Variants in MYO1E observed in about 807,000 individuals in gnomAD.
The protein encoded by MYO1E is myosin IE.
A neutral mutation model predicts 151.1 loss-of-function variants in MYO1E; 68 were observed. That is an observed-to-expected ratio of 0.45 (90% CI 0.37 to 0.55). The LOEUF (loss-of-function observed/expected upper bound fraction) is 0.55. Ranked by LOEUF, MYO1E falls within the 20% of genes least tolerant of loss-of-function variation. The pLI is 0.00. For synonymous variants in MYO1E, 601 were observed against 501.7 expected (o/e 1.20, Z -2.64); for missense variants, 1,363 against 1,389.3 (o/e 0.98, Z 0.30).
intron 17 of MYO1E, among the ~76,000 whole-genome samples, chr15:59,192,250 T>C (rs920634536): frequency 2.6e-5 from 4 of 152,086 alleles, no homozygotes; most frequent in African/African-American, 9.7e-5. Flanking sequence ...ACCAGTTTAT[T>C]TGAATGCATG....
At chr15:59,367,986 G>C (rs544696921) in intron 1 of MYO1E, among the ~76,000 whole-genome samples, 37 of 152,150 alleles carry the variant, frequency 2.4e-4, no homozygotes, top group African/African-American at 8.4e-4. Context: ...CGGGTGTGGT[G>C]GTGGGGCCTG....
At chr15:59,205,883 C>T (rs1257581082) in intron 14 of MYO1E, among the ~76,000 whole-genome samples, 1 of 152,160 alleles carries the variant, frequency 6.6e-6, no homozygotes, top group Non-Finnish European at 1.5e-5. Context: ...AAGTGAAGCC[C>T]CTCATGCTCA....
At chr15:59,283,133 T>G (rs985061252) in intron 1 of MYO1E, among the ~76,000 whole-genome samples, 2 of 151,170 alleles carry the variant, frequency 1.3e-5, no homozygotes, top group African/African-American at 4.9e-5. Flanking sequence ...AAGCCTGGTC[T>G]GGAACCCCTC....
chr15:59,138,302 G>A lies in MYO1E; in HGVS notation c.3146C>T (p.Pro1049Leu). The change falls in exon 27 of 28, where the codon CCC becomes CTC. Residue 1049 changes from proline to leucine, a missense_variant. By Grantham distance (98) the Pro-to-Leu change is moderately conservative. Transcript: ENST00000288235. ...CTTGCACTGTGGCACCTGAGGCTTG[G>A]GCTTGGGCTGGGGCTTGGGTCTGCC... ...AGGRPKPQPK[P>L]KPQVPQCKAL... 6.2e-7 allele frequency: 1 copy of A among 1,614,190 alleles called. No individual in the cohort carries two copies. Among genetic ancestry groups the A allele is most frequent in the Non-Finnish European group, 8.5e-7 (1 of 1,180,030 alleles).
intron 18 of MYO1E, among the ~76,000 whole-genome samples, chr15:59,186,344 G>A (rs988499527): frequency 6.6e-5 from 10 of 151,336 alleles, no homozygotes; most frequent in Non-Finnish European, 1.5e-5. Flanking sequence ...TGTCTTATTA[G>A]AAATACTAGA....
chr15:59,330,314 T>C (rs1231998962), intron 1 of MYO1E, among the ~76,000 whole-genome samples: 3 of 152,176 alleles, frequency 2.0e-5, no homozygotes, highest in African/African-American at 7.2e-5. Flanking sequence ...TCATTTAAGG[T>C]AAACTTCCCT....
At chr15:59,267,240 T>C (rs1352158435) in intron 2 of MYO1E, among the ~76,000 whole-genome samples, 1 of 151,660 alleles carries the variant, frequency 6.6e-6, no homozygotes, top group Non-Finnish European at 1.5e-5. Context: ...TTGGCCAAGA[T>C]GGTCTCAATC....
intron 1 of MYO1E, among the ~76,000 whole-genome samples, chr15:59,305,707 T>G (rs1406250591): frequency 3.9e-5 from 6 of 152,228 alleles, no homozygotes; most frequent in African/African-American, 1.4e-4. Context: ...TTGTGAGCTG[T>G]GCTTCCTTTC....
In MYO1E at chr15:59,161,199, C is replaced by A; in HGVS notation, c.2659G>T (p.Gly887Cys). Residue 887 changes from glycine (G) to cysteine (C), a missense_variant, in exon 24 of 28, where the codon GGC becomes TGC. By Grantham distance (159) the Gly-to-Cys change is radical. Transcript: ENST00000288235. The stretch of plus-strand genomic sequence containing the variant: ...CGGGAGCCCCCTGCACTCCAGGGGC[C>A]CCAGTTTTCCTTTTTCAACTTCAGT... ...LELKLKKENW[G>C]PWSAGGSRQV... The A allele has an allele frequency of 1.2e-6, 2 of 1,613,900 alleles. No individual in the cohort carries two copies. Among genetic ancestry groups the A allele is most frequent in the Non-Finnish European group, 1.7e-6 (2 of 1,179,882 alleles).
chr15:59,354,295 G>C (rs370546451), intron 1 of MYO1E, among the ~76,000 whole-genome samples: 1 of 152,180 alleles, frequency 6.6e-6, no homozygotes, highest in African/African-American at 2.4e-5. Flanking sequence ...TGGATGGCAC[G>C]TTGGCTTAAG....
At chr15:59,267,078 T>C (rs1479249920) in intron 2 of MYO1E, among the ~76,000 whole-genome samples, 16 of 125,618 alleles carry the variant, frequency 1.3e-4, no homozygotes, top group Non-Finnish European at 1.9e-4. Context: ...CAGGCCGGAG[T>C]GCAGTGGTGC....
chr15:59,354,069 C>G (rs984019667), intron 1 of MYO1E, among the ~76,000 whole-genome samples: 2 of 152,158 alleles, frequency 1.3e-5, no homozygotes, highest in South Asian at 2.1e-4. Context: ...ACTAACGGCT[C>G]GATCAACCTT....
chr15:59,363,126 C>A (rs748157338), intron 1 of MYO1E, among the ~76,000 whole-genome samples: 15 of 152,114 alleles, frequency 9.9e-5, no homozygotes, highest in Non-Finnish European at 2.2e-4. Context: ...CTGGTGCCCA[C>A]CACCATGCCT....
At chr15:59,191,645 C>G (rs2079735348) in intron 17 of MYO1E, among the ~76,000 whole-genome samples, 1 of 152,180 alleles carries the variant, frequency 6.6e-6, no homozygotes, top group Non-Finnish European at 1.5e-5. Flanking sequence ...CATGTTAAAA[C>G]ATTGTTTCAT....
At chr15:59,272,004 A>T (rs193118054) in intron 2 of MYO1E, among the ~76,000 whole-genome samples, 1 of 152,390 alleles carries the variant, frequency 6.6e-6, no homozygotes, top group East Asian at 1.9e-4. Flanking sequence ...GAACCAAGTG[A>T]TATAAACATA....
chr15:59,227,966 C>T (rs1276459465), intron 6 of MYO1E, among the ~76,000 whole-genome samples: 1 of 152,156 alleles, frequency 6.6e-6, no homozygotes, highest in Non-Finnish European at 1.5e-5. Flanking sequence ...CATCTCATGG[C>T]TTTGAGCAAA....
chr15:59,254,772 G>T (rs1315934257), intron 4 of MYO1E, among the ~76,000 whole-genome samples: 5 of 152,100 alleles, frequency 3.3e-5, no homozygotes, highest in African/African-American at 1.2e-4. Context: ...TCTAGGTGAT[G>T]AGAATATGGA....
chr15:59,274,726 A>C (rs1480083049), intron 1 of MYO1E, among the ~76,000 whole-genome samples: 3 of 152,272 alleles, frequency 2.0e-5, no homozygotes, highest in African/African-American at 7.2e-5. Flanking sequence ...TATCAAACCC[A>C]TTGGTCTTTC....
intron 16 of MYO1E, among the ~76,000 whole-genome samples, chr15:59,200,222 C>G (rs1297945584): frequency 6.6e-6 from 1 of 152,166 alleles, no homozygotes; most frequent in Non-Finnish European, 1.5e-5. Flanking sequence ...GTCATCATAA[C>G]CTGGATGATC....
Sources: gnomAD v4.1 joint callset for allele counts (sites outside exome capture counted in the v4.1 genomes callset) on GRCh38, gnomAD v4.1.1 for gene constraint, MANE v1.5 for transcripts, NCBI Gene and HGNC (gene_info 2026-07-23, HGNC 2026-07-21) for gene names.